ZBTB7C: variants seen among roughly 807,000 people sequenced by gnomAD.
ZBTB7C encodes the protein zinc finger and BTB domain-containing protein 7C.
ZBTB7C carries 8 observed loss-of-function variants against 25.7 expected under a neutral mutation model. The ratio of observed to expected loss-of-function variants is 0.31; its 90% CI spans 0.18 to 0.56. ZBTB7C has a LOEUF of 0.56. Among genes scored for constraint, ZBTB7C ranks in the 20% least tolerant of loss-of-function variants. ZBTB7C has a pLI of 0.91. For synonymous variants in ZBTB7C, 394 were observed against 369.0 expected, an observed-to-expected ratio of 1.07 and a Z score of -0.78; for missense variants, 824 against 855.2, an observed-to-expected ratio of 0.96 and a Z score of 0.46.
chr18:48,254,177 G>A (rs1338058036), intron 2 of ZBTB7C, among the ~76,000 whole-genome samples: 1 of 152,224 alleles, frequency 6.6e-6, no homozygotes. Context: ...ATAAAGAGCA[G>A]CCTGTAAAAT....
chr18:48,383,486 G>A (rs1047692400), intron 1 of ZBTB7C, among the ~76,000 whole-genome samples: 2 of 152,000 alleles, frequency 1.3e-5, no homozygotes, highest in Admixed American at 6.6e-5. Flanking sequence ...GGCTGGTCTC[G>A]AACTCCTGAG....
intron 2 of ZBTB7C, among the ~76,000 whole-genome samples, chr18:48,309,266 T>C (rs1430848627): frequency 2.6e-5 from 4 of 152,166 alleles, no homozygotes; most frequent in Non-Finnish European, 4.4e-5. Flanking sequence ...GGTTATGAAA[T>C]AGGAGGGCTG....
chr18:48,053,728 G>A (rs1350859245), intron 3 of ZBTB7C, among the ~76,000 whole-genome samples: 1 of 152,178 alleles, frequency 6.6e-6, no homozygotes, highest in Non-Finnish European at 1.5e-5. Flanking sequence ...GGAGAAACAT[G>A]GATGAAAGAG....
intron 2 of ZBTB7C, among the ~76,000 whole-genome samples, chr18:48,331,344 G>T (rs576144892): frequency 6.6e-6 from 1 of 152,254 alleles, no homozygotes; most frequent in South Asian, 2.1e-4. Context: ...ACATTCTTGT[G>T]AGGTAGGTGG....
rs28813453 is a variant in ZBTB7C, at chr18:48,370,185, G to A, written c.-303-31787C>T. On this transcript the variant is annotated intron_variant, in intron 1 of 4. Transcript: ENST00000590800. ...GGAATCCAGATGCCCTTCAACAAGT[G>A]AATGGTTAAACAAACTGTGGCACCT... 3.5e-3 allele frequency among the ~76,000 whole-genome samples: 529 copies of A among 152,186 alleles called. 2 individuals carry two copies. Among genetic ancestry groups the A allele is most frequent in the African/African-American group, 0.011 (456 of 41,524 alleles).
chr18:48,317,011 G>A (rs1295951746), intron 2 of ZBTB7C, among the ~76,000 whole-genome samples: 2 of 152,160 alleles, frequency 1.3e-5, no homozygotes, highest in Admixed American at 1.3e-4. Flanking sequence ...AGTGGCTCAC[G>A]CCTGTAATCC....
intron 3 of ZBTB7C, among the ~76,000 whole-genome samples, chr18:48,104,583 C>A (rs1341464846): frequency 6.6e-6 from 1 of 152,206 alleles, no homozygotes; most frequent in Non-Finnish European, 1.5e-5. Flanking sequence ...ATGTATCCAT[C>A]CATCCATCCC....
chr18:48,309,865 C>G (rs1237880703), intron 2 of ZBTB7C, among the ~76,000 whole-genome samples: 2 of 152,278 alleles, frequency 1.3e-5, no homozygotes, highest in East Asian at 3.9e-4. Context: ...GAAATGGTAC[C>G]GTGAGTTCTA....
intron 3 of ZBTB7C, among the ~76,000 whole-genome samples, chr18:48,070,066 A>G (rs1428569423): frequency 6.6e-6 from 1 of 152,244 alleles, no homozygotes; most frequent in Admixed American, 6.5e-5. Flanking sequence ...CTTGTGTGGC[A>G]GAGCCAGAAG....
In ZBTB7C at chr18:48,319,112, CTGTGTGTGTG is replaced by C. The variant is rs143825394; in HGVS notation, c.-79+19052_-79+19061del. Among the ~76,000 whole-genome samples the C allele has an allele frequency of 3.7e-4, 54 of 147,366 alleles. 1 individual carries two copies. The highest frequency in any genetic ancestry group is 4.5e-5 in the Non-Finnish European group (3 of 66,842). On this transcript the variant is annotated intron_variant, in intron 2 of 4. Coordinates refer to ENST00000590800, the MANE Select transcript of ZBTB7C (RefSeq NM_001318841.2). ...ATTCATGAACGATGCCAGAATGCCTCTGTGTGTGTGTGTGTGTGTGTGTGTGTGTAACCTT... is the reference window on the plus strand; with the variant it reads ...ATTCATGAACGATGCCAGAATGCCTCTGTGTGTGTGTGTGTGTGTAACCTT...
chr18:48,216,773 G>GC (rs1226881122), intron 2 of ZBTB7C, among the ~76,000 whole-genome samples: 6 of 151,998 alleles, frequency 3.9e-5, no homozygotes, highest in Non-Finnish European at 7.4e-5. Context: ...CCATCCTATG[G>GC]CCCCCACAGC....
chr18:48,290,872 G>A (rs1177349197), intron 2 of ZBTB7C, among the ~76,000 whole-genome samples: 1 of 152,220 alleles, frequency 6.6e-6, no homozygotes, highest in Non-Finnish European at 1.5e-5. Flanking sequence ...GTGCTGCGGA[G>A]ACAGTGAACG....
At chr18:48,273,014 C>A (rs952514790) in intron 2 of ZBTB7C, among the ~76,000 whole-genome samples, 1 of 152,160 alleles carries the variant, frequency 6.6e-6, no homozygotes. Flanking sequence ...GGAATGGGAA[C>A]TGACTGTTAA....
At chr18:48,180,934 G>A (rs2041902194) in intron 3 of ZBTB7C, among the ~76,000 whole-genome samples, 1 of 152,188 alleles carries the variant, frequency 6.6e-6, no homozygotes, top group African/African-American at 2.4e-5. Context: ...AGACTGCTTG[G>A]CTTCAGATTC....
At chr18:48,311,356 T>C (rs2045814224) in intron 2 of ZBTB7C, among the ~76,000 whole-genome samples, 3 of 152,040 alleles carry the variant, frequency 2.0e-5, no homozygotes, top group South Asian at 4.2e-4. Flanking sequence ...TAAAAAAAAA[T>C]GAATGAATGA....
intron 1 of ZBTB7C, among the ~76,000 whole-genome samples, chr18:48,341,419 G>A (rs1211088898): frequency 6.6e-6 from 1 of 152,232 alleles, no homozygotes; most frequent in African/African-American, 2.4e-5. Context: ...CCTCTCCAGG[G>A]AGCTGAATTT....
chr18:48,138,510 T>C (rs780143245), intron 3 of ZBTB7C, among the ~76,000 whole-genome samples: 4 of 152,080 alleles, frequency 2.6e-5, no homozygotes, highest in Non-Finnish European at 5.9e-5. Flanking sequence ...TAGACTAGAA[T>C]GCATCTGTCA....
chr18:48,367,369 TATAA>T lies in ZBTB7C; in HGVS notation c.-303-28975_-303-28972del, dbSNP rs1278169781. 1.4e-4 allele frequency among the ~76,000 whole-genome samples: 16 copies of T among 111,280 alleles called. 1 individual carries two copies. The highest frequency in any genetic ancestry group is 2.1e-4 in the Non-Finnish European group (10 of 47,712). The allele number at this position is 111,280 out of a possible 152,430, so 73.0% of individuals were successfully genotyped here. A position where few individuals can be genotyped will look rare whatever the true frequency, so the allele number is the denominator to read the frequency against. Reference sequence around the variant, plus strand: ...GTGCATATATATATATATATATATATATAAAATACAAACAGAAGACTCTAAAAGG... The same window carrying T: ...GTGCATATATATATATATATATATATAATACAAACAGAAGACTCTAAAAGG... On this transcript the variant is annotated intron_variant, in intron 1 of 4. Coordinates refer to ENST00000590800, the MANE Select transcript of ZBTB7C (RefSeq NM_001318841.2).
At chr18:48,166,395 C>CA (rs2041244834) in intron 3 of ZBTB7C, among the ~76,000 whole-genome samples, 2 of 152,224 alleles carry the variant, frequency 1.3e-5, no homozygotes, top group Non-Finnish European at 2.9e-5. Flanking sequence ...AAGAATCACA[C>CA]AATATCTTGT....
Sources: allele counts gnomAD v4.1 joint callset (sites outside exome capture counted in the v4.1 genomes callset), GRCh38; gene constraint gnomAD v4.1.1; transcripts MANE v1.5; gene names NCBI Gene and HGNC (gene_info 2026-07-23, HGNC 2026-07-21).